MAML2: variants seen among roughly 807,000 people sequenced by gnomAD.
The protein encoded by MAML2 is mastermind like transcriptional coactivator 2, also known as mastermind-like protein 2.
Under a neutral mutation model 96.1 loss-of-function variants are expected in MAML2, and 22 were observed. That is an observed-to-expected ratio of 0.23 (90% CI 0.16 to 0.33). The LOEUF (loss-of-function observed/expected upper bound fraction) is 0.33, where lower values mean the gene tolerates loss of function less well. Among genes scored for constraint, MAML2 ranks in the 10% least tolerant of loss-of-function variants. The pLI is 1.00. For synonymous variants in MAML2, 561 were observed against 521.3 expected (o/e 1.08, Z -1.04); for missense variants, 1,367 against 1,392.4 (o/e 0.98, Z 0.29).
intron 1 of MAML2, among the ~76,000 whole-genome samples, chr11:96,294,550 G>C (rs996646716): frequency 2.6e-5 from 4 of 152,150 alleles, no homozygotes; most frequent in African/African-American, 9.7e-5. Context: ...AGTTCCAAAG[G>C]AAAGAGACAG....
At chr11:96,139,856 C>T (rs1261613054) in intron 1 of MAML2, among the ~76,000 whole-genome samples, 1 of 152,046 alleles carries the variant, frequency 6.6e-6, no homozygotes, top group East Asian at 1.9e-4. Flanking sequence ...GTCTCTGTTG[C>T]CTATTCCCAC....
intron 2 of MAML2, among the ~76,000 whole-genome samples, chr11:96,007,585 A>G (rs1289999429): frequency 6.6e-6 from 1 of 152,128 alleles, no homozygotes; most frequent in Admixed American, 6.5e-5. Flanking sequence ...AAGAATATGA[A>G]CTGTTTTATT....
intron 2 of MAML2, among the ~76,000 whole-genome samples, chr11:96,059,530 C>G (rs764845109): frequency 6.6e-6 from 1 of 152,116 alleles, no homozygotes; most frequent in Non-Finnish European, 1.5e-5. Flanking sequence ...ATAAAACTAT[C>G]CTATTTCGTG....
At chr11:96,062,862 G>A (rs1192519095) in intron 2 of MAML2, among the ~76,000 whole-genome samples, 1 of 152,116 alleles carries the variant, frequency 6.6e-6, no homozygotes, top group Admixed American at 6.5e-5. Context: ...GCCGCCATGA[G>A]ATTATATTGT....
intron 1 of MAML2, among the ~76,000 whole-genome samples, chr11:96,170,318 T>A (rs1174571898): frequency 2.0e-5 from 3 of 152,234 alleles, no homozygotes; most frequent in Non-Finnish European, 4.4e-5. Flanking sequence ...AAGTAATTAA[T>A]GGAATTTAAA....
At chr11:96,095,461 G>A (rs777298128) in intron 1 of MAML2, among the ~76,000 whole-genome samples, 5 of 152,220 alleles carry the variant, frequency 3.3e-5, no homozygotes, top group Non-Finnish European at 5.9e-5. Flanking sequence ...AAAGGAACCT[G>A]ACCCAAGACA....
chr11:96,335,786 G>C (rs753665506), intron 1 of MAML2, among the ~76,000 whole-genome samples: 1 of 152,232 alleles, frequency 6.6e-6, no homozygotes, highest in African/African-American at 2.4e-5. Context: ...TCCAGGATGT[G>C]GATCAATCTC....
At chr11:96,292,476 T>C (rs1005795709) in intron 1 of MAML2, among the ~76,000 whole-genome samples, 12 of 152,210 alleles carry the variant, frequency 7.9e-5, no homozygotes, top group Admixed American at 4.6e-4. Context: ...ATTTTACAGA[T>C]GATGAAACTG....
intron 1 of MAML2, among the ~76,000 whole-genome samples, chr11:96,127,869 C>T (rs1333749786): frequency 2.0e-5 from 3 of 152,148 alleles, no homozygotes; most frequent in Non-Finnish European, 2.9e-5. Context: ...CCATTGGAAA[C>T]GTCAGAATGG....
chr11:96,068,471 CACACACAG>C (rs1236929599), intron 2 of MAML2, among the ~76,000 whole-genome samples: 3 of 150,252 alleles, frequency 2.0e-5, no homozygotes, highest in African/African-American at 7.5e-5. Context: ...CACACACACA[CACACACAG>C]AGGGAGGGAG....
At chr11:96,043,195 T>C (rs1407890432) in intron 2 of MAML2, among the ~76,000 whole-genome samples, 3 of 152,224 alleles carry the variant, frequency 2.0e-5, no homozygotes, top group Non-Finnish European at 4.4e-5. Context: ...CTAATACTGA[T>C]ATCATTTTAC....
intron 2 of MAML2, among the ~76,000 whole-genome samples, chr11:96,037,667 C>CACAGGTTAG (rs1858740292): frequency 6.6e-6 from 1 of 152,186 alleles, no homozygotes; most frequent in African/African-American, 2.4e-5. Context: ...ACCAAAAACA[C>CACAGGTTAG]ACAGGTTAGA....
At chr11:96,163,862 CTTTTTTTT>C (rs67666403) in intron 1 of MAML2, among the ~76,000 whole-genome samples, 7 of 122,316 alleles carry the variant, frequency 5.7e-5, no homozygotes, top group Admixed American at 8.4e-5. Flanking sequence ...TTCTCTCTTT[CTTTTTTTT>C]TTTTTTTTTG....
intron 2 of MAML2, among the ~76,000 whole-genome samples, chr11:96,069,705 A>G (rs1481346636): frequency 1.3e-5 from 2 of 151,998 alleles, no homozygotes; most frequent in Non-Finnish European, 2.9e-5. Context: ...AATAAAATTC[A>G]TATAAATAAT....
intron 1 of MAML2, among the ~76,000 whole-genome samples, chr11:96,102,167 T>C (rs1859944860): frequency 6.6e-6 from 1 of 152,042 alleles, no homozygotes; most frequent in Admixed American, 6.6e-5. Flanking sequence ...TCCCAGCTAC[T>C]TGGGAGGCTG....
At chr11:96,068,762 A>G (rs1859288651) in intron 2 of MAML2, among the ~76,000 whole-genome samples, 1 of 151,542 alleles carries the variant, frequency 6.6e-6, no homozygotes, top group Middle Eastern at 3.4e-3. Context: ...CTCAGGAGGC[A>G]GAGCTTGCAG....
intron 1 of MAML2, among the ~76,000 whole-genome samples, chr11:96,141,491 C>A (rs1471718845): frequency 6.6e-6 from 1 of 152,036 alleles, no homozygotes. Context: ...ATATTTAGGT[C>A]TGTCAGATGG....
intron 2 of MAML2, among the ~76,000 whole-genome samples, chr11:95,996,113 C>T (rs918888721): frequency 6.6e-6 from 1 of 152,078 alleles, no homozygotes; most frequent in African/African-American, 2.4e-5. Flanking sequence ...CACCTAATGC[C>T]TAGTCACCCA....
intron 1 of MAML2, among the ~76,000 whole-genome samples, chr11:96,098,332 T>C (rs945826774): frequency 6.6e-6 from 1 of 152,234 alleles, no homozygotes; most frequent in Non-Finnish European, 1.5e-5. Flanking sequence ...AGGGAAAATA[T>C]GCAGATGATT....
Sources: allele counts gnomAD v4.1 joint callset (sites outside exome capture counted in the v4.1 genomes callset), GRCh38; gene constraint gnomAD v4.1.1; transcripts MANE v1.5; gene names NCBI Gene and HGNC (gene_info 2026-07-23, HGNC 2026-07-21).